Variants in LCOR observed in about 807,000 individuals in gnomAD.
The protein encoded by LCOR is ligand dependent nuclear receptor corepressor.
Under a neutral mutation model 64.4 loss-of-function variants are expected in LCOR, and 14 were observed. The observed-to-expected ratio is 0.22, with a 90% CI of 0.14 to 0.34. The LOEUF is 0.34. Ranked by LOEUF, LCOR falls within the 10% of genes least tolerant of loss-of-function variation. The pLI, the probability that LCOR is intolerant of heterozygous loss-of-function variation, is 1.00. For synonymous variants in LCOR, 643 were observed against 642.5 expected (o/e 1.00, Z -0.01); for missense variants, 1,686 against 1,765.3 (o/e 0.96, Z 0.80).
intron 2 of LCOR, among the ~76,000 whole-genome samples, chr10:96,875,403 G>A (rs545346422): frequency 6.6e-6 from 1 of 151,992 alleles, no homozygotes; most frequent in South Asian, 2.1e-4. Flanking sequence ...ATAATACCTA[G>A]TATAAAACAG....
rs760908288 is a variant in LCOR at position 96,981,156 on chromosome 10, T to A, written c.696T>A (p.Pro232=). ...TPKKPPPEIN[P]VDGRENALTV... is the part of the protein sequence containing the mutation. ...AGAAGCCTCCTCCTGAGATAAACCC[T>A]GTAGATGGAAGAGAGAATGCCTTGA... The change falls in exon 8 of 8, where the codon CCT becomes CCA. Residue 232 remains proline (P), a synonymous_variant. Coordinates refer to ENST00000421806, the MANE Select transcript of LCOR (RefSeq NM_001346516.2). The A allele has an allele frequency of 2.8e-6, 2 of 710,878 alleles. No homozygotes were observed. The highest frequency in any genetic ancestry group is 3.5e-5 in the African/African-American group (2 of 57,414). 44.0% of individuals were successfully genotyped at this position (710,878 alleles called of 1,614,324 possible).
At position 96,983,877 on chromosome 10, in the gene LCOR, G is replaced by A. The variant is rs1360721983; in HGVS notation, c.3417G>A (p.Arg1139=). ...AAGGACAGCCAACACCAAGAGCAAG[G>A]AACAAATCAGATAAACTGAAAGAGA... ...EKEGQPTPRA[R]NKSDKLKEIW... Residue 1139 remains arginine, a synonymous_variant, in exon 8 of 8, where the codon AGG becomes AGA. Coordinates refer to ENST00000421806, the MANE Select transcript of LCOR (RefSeq NM_001346516.2). This position sits in a 1 kb window ranked among gnomAD's most constrained non-coding sequence, Gnocchi z 4.5. 5 of 1,613,938 alleles carry A rather than the reference G, an allele frequency of 3.1e-6. No homozygotes were observed. The highest frequency in any genetic ancestry group is 4.2e-6 in the Non-Finnish European group (5 of 1,180,008).
intron 4 of LCOR, among the ~76,000 whole-genome samples, chr10:96,919,431 C>T (rs746181038): frequency 3.9e-4 from 60 of 152,086 alleles, no homozygotes; most frequent in Non-Finnish European, 7.9e-4. Flanking sequence ...CCCCCTTCCC[C>T]TTTTATTAGG....
At chr10:96,917,594 G>T (rs1244150812) in intron 4 of LCOR, among the ~76,000 whole-genome samples, 2 of 152,128 alleles carry the variant, frequency 1.3e-5, no homozygotes, top group Non-Finnish European at 2.9e-5. Context: ...AACTTTAAAA[G>T]GATCTGTGTG....
chr10:96,863,596 C>T lies in LCOR; in HGVS notation c.-330+30117C>T, dbSNP rs190940993. ...GATTGCATTGTTAGTGCTGTGGAAA[C>T]GTGAAGTGTGTGGATTGGGATAGCA... On this transcript the variant is annotated intron_variant, in intron 2 of 7. Transcript: ENST00000421806. 9.9e-5 allele frequency among the ~76,000 whole-genome samples: 15 copies of T among 152,222 alleles called. 1 individual carries two copies. The highest frequency in any genetic ancestry group is 3.3e-4 in the Admixed American group (5 of 15,288).
At chr10:96,913,912 A>G (rs145725022) in intron 4 of LCOR, among the ~76,000 whole-genome samples, 1 of 152,280 alleles carries the variant, frequency 6.6e-6, no homozygotes, top group Non-Finnish European at 1.5e-5. Context: ...GAAAAAAAAA[A>G]AAAAGAAGTT....
chr10:96,858,665 G>A (rs1263724452), intron 2 of LCOR, among the ~76,000 whole-genome samples: 2 of 152,150 alleles, frequency 1.3e-5, no homozygotes, highest in African/African-American at 4.8e-5. Context: ...ATCATAATGT[G>A]GAGTGTCATT....
chr10:96,883,339 A>G (rs1846293759), intron 2 of LCOR, among the ~76,000 whole-genome samples: 2 of 152,308 alleles, frequency 1.3e-5, no homozygotes, highest in South Asian at 2.1e-4. Flanking sequence ...GCCTGTGTGC[A>G]GGTTTTTATG....
At chr10:96,901,227 G>A (rs1399151031) in intron 2 of LCOR, among the ~76,000 whole-genome samples, 2 of 152,056 alleles carry the variant, frequency 1.3e-5, no homozygotes, top group African/African-American at 4.8e-5. Context: ...GTCTCCTCAT[G>A]TTGCCCAGGT....
intron 7 of LCOR, chr10:96,958,119 A>G: frequency 8.6e-7 from 1 of 1,161,428 alleles, no homozygotes; most frequent in Non-Finnish European, 1.1e-6. Flanking sequence ...CAGCCATAGT[A>G]CCTTTTTGCG....
chr10:96,946,155 C>T lies in LCOR; in HGVS notation c.-51+1910C>T, dbSNP rs113385386. 3.1e-3 allele frequency among the ~76,000 whole-genome samples: 475 copies of T among 152,020 alleles called. 3 individuals carry two copies. The highest frequency in any genetic ancestry group is 0.011 in the African/African-American group (461 of 41,514). ...TAATATTGCTATGTTTAGATATAAT[C>T]CTCTTGTAACCATCTCCAAGATAGC... On this transcript the variant is annotated intron_variant, in intron 5 of 7. Transcript: ENST00000421806.
At chr10:96,955,479 G>T in intron 7 of LCOR, 1 of 1,614,110 alleles carries the variant, frequency 6.2e-7, no homozygotes, top group South Asian at 1.1e-5. Flanking sequence ...AACGGAGAGC[G>T]CGCTTAGTAA....
At chr10:96,958,496 T>C in intron 7 of LCOR, 1 of 837,048 alleles carries the variant, frequency 1.2e-6, no homozygotes, top group East Asian at 2.6e-5. Flanking sequence ...TCATTTCAGA[T>C]TGTAGGCTGA....
At chr10:96,883,580 TTGCAGTTCCC>T (rs1316232613) in intron 2 of LCOR, among the ~76,000 whole-genome samples, 1 of 152,254 alleles carries the variant, frequency 6.6e-6, no homozygotes, top group Non-Finnish European at 1.5e-5. Context: ...TTGTTTCAAC[TTGCAGTTCCC>T]TGCTGACATA....
intron 7 of LCOR, chr10:96,957,591 T>G: frequency 2.0e-6 from 2 of 985,316 alleles, no homozygotes; most frequent in Non-Finnish European, 2.4e-6. Context: ...AAAATAAAAT[T>G]AAAATTGGAG....
chr10:96,870,854 G>A (rs1846061454), intron 2 of LCOR, among the ~76,000 whole-genome samples: 1 of 152,142 alleles, frequency 6.6e-6, no homozygotes, highest in Admixed American at 6.6e-5. Context: ...CAAAAGCTTT[G>A]GACAATAGTA....
chr10:96,948,067 A>C (rs1289542128), intron 5 of LCOR, among the ~76,000 whole-genome samples: 1 of 152,154 alleles, frequency 6.6e-6, no homozygotes, highest in African/African-American at 2.4e-5. Context: ...AGGCATGATG[A>C]TAATATATTT....
Position 96,938,720 on chromosome 10 carries a change from T to A in LCOR, c.-183-5393T>A, listed in dbSNP as rs576368316. Among the ~76,000 whole-genome samples the A allele has an allele frequency of 2.6e-5, 4 of 152,336 alleles. No individual in the cohort carries two copies. In the South Asian group the frequency reaches 8.3e-4, roughly 32 times the overall value. ...CGTCATTAAAAAAAAATAATAATTG[T>A]ATTGCTATACACTAGCAGTGAACAA... On this transcript the variant is annotated intron_variant, in intron 4 of 7. Transcript: ENST00000421806.
intron 2 of LCOR, among the ~76,000 whole-genome samples, chr10:96,866,730 A>G (rs1845980619): frequency 6.6e-6 from 1 of 151,342 alleles, no homozygotes; most frequent in African/African-American, 2.4e-5. Context: ...GCACACTACC[A>G]CACCCAGCTA....
Sources: gnomAD v4.1 joint callset for allele counts (sites outside exome capture counted in the v4.1 genomes callset) on GRCh38, gnomAD v4.1.1 for gene constraint, Gnocchi (gnomAD v3.1) non-coding constraint, MANE v1.5 for transcripts, NCBI Gene and HGNC (gene_info 2026-07-23, HGNC 2026-07-21) for gene names.